The following TCF12 variants were observed in gnomAD, a reference collection of about 807,000 sequenced individuals.
TCF12 encodes the protein transcription factor 12.
Under a neutral mutation model 86.0 loss-of-function variants are expected in TCF12, and 45 were observed. The ratio of observed to expected loss-of-function variants is 0.52; its 90% CI spans 0.41 to 0.67. The LOEUF is 0.67. Among genes scored for constraint, TCF12 ranks in the 30% least tolerant of loss-of-function variants. TCF12 has a pLI of 0.00. For missense variants in TCF12, 881 were observed against 859.9 expected (o/e 1.02, Z -0.31); for synonymous variants, 330 against 299.6 (o/e 1.10, Z -1.05).
chr15:57,223,642 G>GGTTTTTTTTTTGTTT (rs1555400179), intron 8 of TCF12, among the ~76,000 whole-genome samples: 1 of 34,246 alleles, frequency 2.9e-5, no homozygotes, highest in African/African-American at 5.9e-5. Flanking sequence ...CTACCAATGA[G>GGTTTTTTTTTTGTTT]GTTTTTTTTT....
At chr15:57,253,116 T>C (rs888776201) in intron 15 of TCF12, 146 bp from the exon 16 acceptor site, 1 of 753,552 alleles carries the variant, frequency 1.3e-6, no homozygotes, top group Non-Finnish European at 2.1e-6. Flanking sequence ...TGTTGTTGAT[T>C]TATAGTTCAG....
chr15:57,248,171 A>C (rs2151993293), intron 13 of TCF12: 1 of 695,216 alleles, frequency 1.4e-6, no homozygotes, highest in Non-Finnish European at 2.6e-6. Flanking sequence ...ATTTCCCCTT[A>C]CGTCTTATTG....
intron 6 of TCF12, among the ~76,000 whole-genome samples, chr15:57,166,908 G>T (rs1293646543): frequency 2.0e-5 from 3 of 152,090 alleles, no homozygotes; most frequent in Admixed American, 6.6e-5. Context: ...TCCCTGACTT[G>T]GAATCTTTGT....
At chr15:57,246,977 A>G in intron 13 of TCF12, 1 of 539,262 alleles carries the variant, frequency 1.9e-6, no homozygotes, top group Non-Finnish European at 3.7e-6. Flanking sequence ...TTCTGCTACC[A>G]TATCCACCAC....
In TCF12 at chr15:57,100,347, T is replaced by G. The variant is rs371429561; in HGVS notation, c.325+8456T>G. Among the ~76,000 whole-genome samples, 4 of 152,166 alleles carry G rather than the reference T, an allele frequency of 2.6e-5. No homozygotes were observed. The East Asian group carries it at 7.7e-4, about 29-fold the overall frequency. ...CGCAGTTGAGAATTTGGGACACTGT[T>G]TTGATTTAAGAAAAGTCCTAGAGCA... On this transcript the variant is annotated intron_variant, in intron 5 of 20. Coordinates refer to ENST00000333725, the MANE Select transcript of TCF12 (RefSeq NM_207037.2).
rs1357777359 is a variant in TCF12, at chr15:57,289,034, A to AT, written c.*2890dup. Reference sequence around the variant, plus strand: ...CGTAGGGATTATCCATGAGGACTTCATGCCAAGCAAGAACCTCAAACAAAC... The same window carrying AT: ...CGTAGGGATTATCCATGAGGACTTCATTGCCAAGCAAGAACCTCAAACAAAC... On this transcript the variant is annotated 3_prime_UTR_variant, in exon 21 of 21. Transcript: ENST00000333725. The AT allele has an allele frequency of 6.6e-6, 1 of 152,184 alleles. No homozygotes were observed. Among genetic ancestry groups the AT allele is most frequent in the Non-Finnish European group, 1.5e-5 (1 of 68,032 alleles). 9.4% of individuals were successfully genotyped at this position (152,184 alleles called of 1,614,324 possible).
intron 5 of TCF12, among the ~76,000 whole-genome samples, chr15:57,128,468 G>T (rs376136674): frequency 6.6e-6 from 1 of 152,142 alleles, no homozygotes. Context: ...TTAGAATTCA[G>T]TGGGGTTTTT....
rs185139352 is a variant in TCF12, at chr15:57,082,719, G to A, written c.223-9070G>A. Among the ~76,000 whole-genome samples the A allele has an allele frequency of 3.6e-3, 548 of 152,178 alleles. 4 individuals carry two copies. The highest frequency in any genetic ancestry group is 0.013 in the African/African-American group (521 of 41,506). ...GAGATATGAGACTTTCCCCCTAAAT[G>A]ATAACATATTTCTATTCTAGAGAAC... On this transcript the variant is annotated intron_variant, in intron 4 of 20. Transcript: ENST00000333725.
At chr15:57,244,741 G>A (rs1358637871) in intron 13 of TCF12, among the ~76,000 whole-genome samples, 1 of 151,972 alleles carries the variant, frequency 6.6e-6, no homozygotes, top group Non-Finnish European at 1.5e-5. Flanking sequence ...TGGGATTACA[G>A]GCGTGACCCA....
Position 57,251,003 on chromosome 15 carries a change from T to A in TCF12, c.1115-347T>A, listed in dbSNP as rs28542506. ...TAGTATTATCAAAATTTCTGTACAA[T>A]GCTATAGGAAGGGGGACAGAATTTT... On this transcript the variant is annotated intron_variant, in intron 13 of 20. Coordinates refer to ENST00000333725, the MANE Select transcript of TCF12 (RefSeq NM_207037.2). 4.0e-3 allele frequency among the ~76,000 whole-genome samples: 613 copies of A among 152,182 alleles called. 5 individuals carry two copies. The highest frequency in any genetic ancestry group is 0.014 in the African/African-American group (581 of 41,522).
chr15:57,090,099 C>G (rs950849551), intron 4 of TCF12, among the ~76,000 whole-genome samples: 2 of 151,990 alleles, frequency 1.3e-5, no homozygotes, highest in Admixed American at 1.3e-4. Flanking sequence ...TACTGTAGTT[C>G]CAGCTACTCC....
chr15:57,114,290 C>A (rs1219191870), intron 5 of TCF12, among the ~76,000 whole-genome samples: 1 of 152,018 alleles, frequency 6.6e-6, no homozygotes, highest in Non-Finnish European at 1.5e-5. Flanking sequence ...AGGCATTTAA[C>A]CTACTGTAAT....
At chr15:57,249,743 A>T (rs1223194064) in intron 13 of TCF12, among the ~76,000 whole-genome samples, 6 of 152,210 alleles carry the variant, frequency 3.9e-5, no homozygotes, top group African/African-American at 1.4e-4. Context: ...CTAGTGTGAG[A>T]CAAATTAAAC....
chr15:57,060,984 G>A (rs533912649), intron 3 of TCF12, among the ~76,000 whole-genome samples: 37 of 152,304 alleles, frequency 2.4e-4, no homozygotes, highest in Admixed American at 2.0e-3. Context: ...GTCTGGATAT[G>A]TTAACAATAA....
chr15:57,243,361 C>A, intron 12 of TCF12, 111 bp from the exon 13 acceptor site: 1 of 860,524 alleles, frequency 1.2e-6, no homozygotes, highest in Non-Finnish European at 1.8e-6. Context: ...TTTTTTCACT[C>A]TGAAGTCTTA....
chr15:57,221,641 T>TA (rs1171397229), intron 8 of TCF12, among the ~76,000 whole-genome samples: 3 of 152,016 alleles, frequency 2.0e-5, no homozygotes, highest in Non-Finnish European at 4.4e-5. Flanking sequence ...CTGTGCCTAA[T>TA]ATAGGTCAAA....
At chr15:57,100,442 T>A (rs2049654831) in intron 5 of TCF12, among the ~76,000 whole-genome samples, 1 of 150,148 alleles carries the variant, frequency 6.7e-6, no homozygotes, top group African/African-American at 2.5e-5. Flanking sequence ...TTTTTTTTTT[T>A]AGTAGAGATG....
chr15:57,208,033 CTTT>C (rs201258233), intron 8 of TCF12, among the ~76,000 whole-genome samples: 2 of 137,094 alleles, frequency 1.5e-5, no homozygotes, highest in Non-Finnish European at 1.5e-5. Context: ...CTTCAAGATT[CTTT>C]TTTTTTTTTT....
intron 5 of TCF12, among the ~76,000 whole-genome samples, chr15:57,100,892 G>A (rs2049693130): frequency 6.6e-6 from 1 of 152,112 alleles, no homozygotes; most frequent in Non-Finnish European, 1.5e-5. Context: ...AATTGTACAA[G>A]TATTACTATT....
Sources: allele counts gnomAD v4.1 joint callset (sites outside exome capture counted in the v4.1 genomes callset), GRCh38; gene constraint gnomAD v4.1.1; transcripts MANE v1.5; gene names NCBI Gene and HGNC (gene_info 2026-07-23, HGNC 2026-07-21).